Variants in NLRC3 observed in about 807,000 individuals in gnomAD.
NLRC3 encodes the protein NLR family CARD domain containing 3, also known as NLR family CARD domain-containing protein 3.
NLRC3 carries 87 observed loss-of-function variants against 91.6 expected under a neutral mutation model. That is an observed-to-expected ratio of 0.95 (90% CI 0.80 to 1.14). The LOEUF (loss-of-function observed/expected upper bound fraction) is 1.14. Ranked by LOEUF, NLRC3 falls within the 50% of genes most tolerant of loss-of-function variation. The probability of loss-of-function intolerance (pLI) is 0.00; values close to 1 mark genes in which losing one functional copy is unlikely to be tolerated. For synonymous variants in NLRC3, 694 were observed against 625.3 expected, an observed-to-expected ratio of 1.11 and a Z score of -1.64; for missense variants, 1,577 against 1,418.6, an observed-to-expected ratio of 1.11 and a Z score of -1.79.
At chr16:3,551,801 A>T (rs980341072) in intron 10 of NLRC3, among the ~76,000 whole-genome samples, 2 of 150,936 alleles carry the variant, frequency 1.3e-5, no homozygotes, top group African/African-American at 2.4e-5. Context: ...TCATTCATTT[A>T]TCCATTCATT....
chr16:3,544,176 A>G, intron 16 of NLRC3, 70 bp downstream of exon 16: 2 of 935,730 alleles, frequency 2.1e-6, no homozygotes, highest in South Asian at 3.0e-5. Flanking sequence ...AAAAAAAAAA[A>G]AAAGACCTCT....
rs1413390867 is a variant in NLRC3, at chr16:3,564,930, C to A, written c.107G>T (p.Gly36Val). ...CTGCGGGGCCTGGGAGCCTTGACTG[C>A]CCTTCCCAGCCAGCAGATCCATGAG... ...KALMDLLAGK[G>V]SQGSQAPQAL... is the part of the protein sequence containing the mutation. The change falls in exon 4 of 20, where the codon GGC (glycine) becomes GTC (valine). Residue 36 changes from glycine to valine, a missense_variant. By Grantham distance (109) the Gly-to-Val change is moderately radical (BLOSUM62 -3). Coordinates refer to ENST00000359128, the MANE Select transcript of NLRC3 (RefSeq NM_178844.4). The surrounding 1 kb of genome is among the most constrained non-coding windows in gnomAD (Gnocchi z 5.9). 1 of 1,610,478 alleles carries A rather than the reference C, an allele frequency of 6.2e-7. No individual in the cohort carries two copies. Among genetic ancestry groups the A allele is most frequent in the Admixed American group, 1.7e-5 (1 of 59,958 alleles).
intron 2 of NLRC3, among the ~76,000 whole-genome samples, chr16:3,565,645 G>A (rs558889826): frequency 1.3e-5 from 2 of 152,200 alleles, no homozygotes; most frequent in Non-Finnish European, 1.5e-5. Flanking sequence ...GTGGAACACA[G>A]ACAATTCCTA....
chr16:3,562,117 G>A (rs1488646794), intron 5 of NLRC3, among the ~76,000 whole-genome samples: 2 of 152,202 alleles, frequency 1.3e-5, no homozygotes, highest in African/African-American at 2.4e-5. Context: ...TGGCGGGCAG[G>A]GGACAGGCTG....
chr16:3,550,345 G>T, intron 11 of NLRC3, 69 bp downstream of exon 11: 1 of 1,050,954 alleles, frequency 9.5e-7, no homozygotes, highest in Non-Finnish European at 1.5e-6. Context: ...CCATTTTTCA[G>T]GACTGCCGGC....
chr16:3,547,551 C>T (rs908136371), intron 15 of NLRC3, among the ~76,000 whole-genome samples: 7 of 151,974 alleles, frequency 4.6e-5, no homozygotes, highest in Non-Finnish European at 1.0e-4. Flanking sequence ...AAGATTATAT[C>T]TCAATCAAGC....
intron 6 of NLRC3, among the ~76,000 whole-genome samples, chr16:3,559,904 A>G (rs2039528186): frequency 6.6e-6 from 1 of 151,940 alleles, no homozygotes; most frequent in Admixed American, 6.6e-5. Context: ...CAGTCTCCCA[A>G]AGTGCTGGGA....
chr16:3,573,252 C>A (rs1338309674), intron 1 of NLRC3, among the ~76,000 whole-genome samples: 1 of 149,946 alleles, frequency 6.7e-6, no homozygotes, highest in Non-Finnish European at 1.5e-5. Context: ...AACCCTGTCT[C>A]TATAAAAAGT....
In NLRC3 at chr16:3,577,167, G is replaced by A. The variant is rs2040338341; in HGVS notation, c.-187C>T. The stretch of plus-strand genomic sequence containing the variant: ...AACTTACCTCCCGGGCCTCGATGCT[G>A]CTCCAGGGACAGCAAGACTGGGGGG... On this transcript the variant is annotated 5_prime_UTR_variant, in exon 1 of 20. Coordinates refer to ENST00000359128, the MANE Select transcript of NLRC3 (RefSeq NM_178844.4). 4 of 702,932 alleles carry A rather than the reference G, an allele frequency of 5.7e-6. No homozygotes were observed. In the South Asian group the frequency reaches 5.9e-5, roughly 10 times the overall value. The allele number at this position is 702,932 out of a possible 1,614,324, so 43.5% of individuals were successfully genotyped here.
Position 3,546,240 on chromosome 16 carries a change from A to G in NLRC3, c.2771+1895T>C, listed in dbSNP as rs188464264. Among the ~76,000 whole-genome samples, 555 of 152,188 alleles carry G rather than the reference A, an allele frequency of 3.6e-3. 9 individuals are homozygous for G. Among genetic ancestry groups the G allele is most frequent in the African/African-American group, 0.013 (529 of 41,512 alleles). On this transcript the variant is annotated intron_variant, in intron 15 of 19. Transcript: ENST00000359128. ...TGGTGAGGCCCCATCTCTTTAAAAA[A>G]AATTGTAAATATTACTTTAAAAAAT...
At chr16:3,551,162 A>G (rs2038976080) in intron 10 of NLRC3, among the ~76,000 whole-genome samples, 1 of 147,926 alleles carries the variant, frequency 6.8e-6, no homozygotes, top group African/African-American at 2.5e-5. Flanking sequence ...TTCTCCACTA[A>G]TTCATTCAGC....
intron 6 of NLRC3, among the ~76,000 whole-genome samples, chr16:3,560,689 ACTGGAGTGCAGTGGCG>A (rs1021503242): frequency 6.6e-6 from 1 of 152,044 alleles, no homozygotes; most frequent in African/African-American, 2.4e-5. Context: ...TGTCACCCAG[ACTGGAGTGCAGTGGCG>A]CTGGAGTGCA....
intron 2 of NLRC3, 40 bp downstream of exon 2, chr16:3,567,203 G>A (rs1218820104): frequency 6.6e-6 from 1 of 151,754 alleles, no homozygotes; most frequent in Non-Finnish European, 1.5e-5. Flanking sequence ...GTACACTAAG[G>A]CCGGGAACTC....
In NLRC3 at chr16:3,563,738, A is replaced by G; in HGVS notation, c.1199T>C (p.Leu400Ser). ...CAGCCCATGGAAGGCCAGACGGCCC[A>G]ATGTCCCCACCATCTTGCGGCCACC... ...AHGGRKMVGT[L>S]GRLAFHGLLK... The change falls in exon 5 of 20, where the codon TTG becomes TCG. Residue 400 changes from leucine to serine, a missense_variant. Physicochemically the swap from Leu to Ser is moderately radical, Grantham distance 145 (BLOSUM62 -2). Transcript: ENST00000359128. The G allele has an allele frequency of 3.1e-6, 5 of 1,613,496 alleles. No individual in the cohort carries two copies. Among genetic ancestry groups the G allele is most frequent in the Non-Finnish European group, 4.2e-6 (5 of 1,179,794 alleles).
At chr16:3,561,302 A>G (rs56704258) in intron 6 of NLRC3, among the ~76,000 whole-genome samples, 14,194 of 152,130 alleles carry the variant, frequency 0.093, 809 homozygotes, top group African/African-American at 0.16. Context: ...AGCCGAGATC[A>G]TGCCACTACA....
At position 3,542,183 on chromosome 16, in the gene NLRC3, G is replaced by T. The variant is rs1404371107; in HGVS notation, c.3107+8C>A. 1 of 1,556,748 alleles carries T rather than the reference G, an allele frequency of 6.4e-7. No individual in the cohort carries two copies. Among genetic ancestry groups the T allele is most frequent in the Admixed American group, 1.8e-5 (1 of 54,372 alleles). On this transcript the variant is annotated splice_region_variant and intron_variant, in intron 19 of 19. Coordinates refer to ENST00000359128, the MANE Select transcript of NLRC3 (RefSeq NM_178844.4). ...CTAAGGGTGAGCAGGAAGGGCAGGT[G>T]CACTCACTTGATATGCTGGAGCCTG...
chr16:3,555,471 G>A (rs1457244462), intron 8 of NLRC3, among the ~76,000 whole-genome samples: 2 of 152,124 alleles, frequency 1.3e-5, no homozygotes, highest in African/African-American at 2.4e-5. Flanking sequence ...TGGGTATGAG[G>A]TCTCCTTCAG....
intron 15 of NLRC3, 190 bp from the exon 16 acceptor site, chr16:3,544,519 G>T (rs76716889): frequency 8.6e-6 from 5 of 583,074 alleles, no homozygotes; most frequent in African/African-American, 7.4e-5. Flanking sequence ...ACACAGAGGC[G>T]TCTGGGGCCT....
At chr16:3,567,836 T>C (rs1160219432) in intron 1 of NLRC3, among the ~76,000 whole-genome samples, 3 of 147,634 alleles carry the variant, frequency 2.0e-5, no homozygotes, top group Non-Finnish European at 3.0e-5. Flanking sequence ...CTCCCTGGCC[T>C]TGGATTAGCA....
Sources: allele counts gnomAD v4.1 joint callset (sites outside exome capture counted in the v4.1 genomes callset), GRCh38; gene constraint gnomAD v4.1.1; non-coding constraint Gnocchi (gnomAD v3.1); transcripts MANE v1.5; gene names NCBI Gene and HGNC (gene_info 2026-07-23, HGNC 2026-07-21).